Variants in ATAD2B observed in about 807,000 individuals in gnomAD.
ATAD2B encodes the protein ATPase family AAA domain containing 2B, also known as ATPase family AAA domain-containing protein 2B.
Under a neutral mutation model 167.6 loss-of-function variants are expected in ATAD2B, and 40 were observed. The ratio of observed to expected loss-of-function variants is 0.24; its 90% confidence interval spans 0.19 to 0.31. ATAD2B has a LOEUF of 0.31. Among genes scored for constraint, ATAD2B ranks in the 10% least tolerant of loss-of-function variants. The probability of loss-of-function intolerance (pLI) is 1.00; values close to 1 mark genes in which losing one functional copy is unlikely to be tolerated. For missense variants in ATAD2B, 1,242 were observed against 1,757.2 expected (o/e 0.71, Z 5.24); for synonymous variants, 579 against 596.5 (o/e 0.97, Z 0.43).
intron 19 of ATAD2B, among the ~76,000 whole-genome samples, chr2:23,792,011 T>C (rs1159239969): frequency 6.6e-6 from 1 of 152,138 alleles, no homozygotes; most frequent in Non-Finnish European, 1.5e-5. Context: ...AGGTTCTCCT[T>C]TTTCCACATC....
At chr2:23,737,067 A>G in the ATAD2B span, among the ~76,000 whole-genome samples, 1 of 152,214 alleles carries the variant, frequency 6.6e-6, no homozygotes, top group Admixed American at 6.5e-5. Context: ...AACTGGATGG[A>G]GCCCACCACA....
chr2:23,691,511 C>T, the ATAD2B span: 19 of 617,216 alleles, frequency 3.1e-5, no homozygotes, highest in Non-Finnish European at 5.2e-5. Context: ...TCTTCTCTTT[C>T]AGATCCCGTG....
chr2:23,841,357 CAACT>C (rs1387517813), intron 13 of ATAD2B, among the ~76,000 whole-genome samples: 1 of 151,988 alleles, frequency 6.6e-6, no homozygotes, highest in African/African-American at 2.4e-5. Context: ...GTAGCAATAC[CAACT>C]GTTAGTATTT....
chr2:23,888,936 G>A (rs1699075813), intron 2 of ATAD2B, among the ~76,000 whole-genome samples: 1 of 152,112 alleles, frequency 6.6e-6, no homozygotes, highest in African/African-American at 2.4e-5. Context: ...GAAGAGAAAT[G>A]TAAATCACTG....
chr2:23,716,561 C>T, the ATAD2B span, among the ~76,000 whole-genome samples: 2 of 152,132 alleles, frequency 1.3e-5, no homozygotes, highest in Non-Finnish European at 1.5e-5. Flanking sequence ...TCTTTAGTTT[C>T]ATTAGAGACA....
intron 14 of ATAD2B, among the ~76,000 whole-genome samples, chr2:23,830,876 T>C (rs1688947472): frequency 6.6e-6 from 1 of 152,060 alleles, no homozygotes; most frequent in African/African-American, 2.4e-5. Context: ...AAAATTATGC[T>C]GGAAGATATC....
chr2:23,693,551 C>A, the ATAD2B span: 3 of 1,537,102 alleles, frequency 2.0e-6, no homozygotes, highest in African/African-American at 1.4e-5. Flanking sequence ...CTGTCCCCCG[C>A]CCCTTCTCTC....
chr2:23,795,878 C>CAA, intron 19 of ATAD2B, among the ~76,000 whole-genome samples: 1 of 120,026 alleles, frequency 8.3e-6, no homozygotes, highest in South Asian at 2.6e-4. Flanking sequence ...GACTCCATCT[C>CAA]AAAAAAAAAA....
intron 13 of ATAD2B, among the ~76,000 whole-genome samples, 179 bp from the exon 14 acceptor site, chr2:23,834,257 G>A (rs969529644): frequency 2.0e-5 from 3 of 148,286 alleles, no homozygotes; most frequent in African/African-American, 7.4e-5. Flanking sequence ...CGCCTCCCGG[G>A]TTCAAGCAAT....
chr2:23,696,636 T>C, the ATAD2B span: 32 of 741,030 alleles, frequency 4.3e-5, no homozygotes, highest in Non-Finnish European at 6.7e-5. This position sits in a 1 kb window ranked among gnomAD's most constrained non-coding sequence, Gnocchi z 5.5. Context: ...ACCATTCATA[T>C]GGGCAGTCAT....
intron 6 of ATAD2B, among the ~76,000 whole-genome samples, chr2:23,882,344 C>A (rs978549095): frequency 4.0e-5 from 6 of 151,760 alleles, no homozygotes; most frequent in African/African-American, 1.5e-4. Flanking sequence ...TACAGGCGTG[C>A]ACCACAATGC....
intron 17 of ATAD2B, among the ~76,000 whole-genome samples, chr2:23,818,293 G>GGA (rs1686881275): frequency 2.0e-5 from 2 of 100,692 alleles, no homozygotes; most frequent in South Asian, 3.9e-4. Flanking sequence ...GAGAGGGAGG[G>GGA]GGGAGAGAGA....
intron 8 of ATAD2B, among the ~76,000 whole-genome samples, chr2:23,874,803 T>G (rs555234571): frequency 9.9e-5 from 15 of 152,262 alleles, no homozygotes; most frequent in Admixed American, 5.9e-4. Context: ...ACGACTGCAA[T>G]GCCAGCACTT....
rs1558496515 is a variant in ATAD2B at position 23,762,272 on chromosome 2, C to G, written c.3331G>C (p.Ala1111Pro). The G allele has an allele frequency of 9.9e-6, 16 of 1,613,530 alleles. No homozygotes were observed. Among genetic ancestry groups the G allele is most frequent in the Admixed American group, 1.7e-5 (1 of 59,976 alleles). ...ARKTETRVEE[A>P]FRHKQRNPMD... ...GGATTTCTTTGTTTGTGCCGAAATG[C>G]CTCTTCGACTCTAGTTTCTGTCTTC... The change falls in exon 24 of 28, where the codon GCA (alanine) becomes CCA (proline). Residue 1111 changes from alanine to proline, a missense_variant. Coordinates refer to ENST00000238789, the MANE Select transcript of ATAD2B (RefSeq NM_017552.4).
chr2:23,888,541 T>C (rs142171208), intron 2 of ATAD2B, 142 bp from the exon 3 acceptor site: 95 of 578,768 alleles, frequency 1.6e-4, no homozygotes, highest in Non-Finnish European at 2.6e-4. Flanking sequence ...ATTGGTAATA[T>C]GTCAATTAAT....
the ATAD2B span, among the ~76,000 whole-genome samples, chr2:23,730,844 AG>A: frequency 6.6e-6 from 1 of 151,862 alleles, no homozygotes; most frequent in Non-Finnish European, 1.5e-5. Flanking sequence ...CAAAGCAAGC[AG>A]AAGTGTAGAA....
intron 13 of ATAD2B, among the ~76,000 whole-genome samples, chr2:23,848,164 A>G (rs1445370472): frequency 1.3e-5 from 2 of 152,188 alleles, no homozygotes; most frequent in Non-Finnish European, 2.9e-5. Flanking sequence ...AATATTTAAG[A>G]TATTTTTATT....
chr2:23,691,822 G>A, the ATAD2B span: 1 of 1,551,606 alleles, frequency 6.4e-7, no homozygotes, highest in Non-Finnish European at 8.7e-7. Context: ...ACTGCTGGAG[G>A]CGGCCAGCAA....
intron 14 of ATAD2B, among the ~76,000 whole-genome samples, chr2:23,829,537 G>A (rs1000652150): frequency 7.9e-5 from 12 of 152,150 alleles, no homozygotes; most frequent in Admixed American, 1.3e-4. Context: ...GATCGTTTAT[G>A]TCCAGGAGTT....
Sources: allele counts gnomAD v4.1 joint callset (sites outside exome capture counted in the v4.1 genomes callset), GRCh38; gene constraint gnomAD v4.1.1; non-coding constraint Gnocchi (gnomAD v3.1); transcripts MANE v1.5; gene names NCBI Gene and HGNC (gene_info 2026-07-23, HGNC 2026-07-21).